ZIC1: variants seen among roughly 807,000 people sequenced by gnomAD.
ZIC1 encodes zinc finger protein ZIC 1.
ZIC1 carries 4 observed loss-of-function variants against 30.9 expected under a neutral mutation model. The observed-to-expected ratio is 0.13, with a 90% CI of 0.06 to 0.30. The LOEUF (loss-of-function observed/expected upper bound fraction) is 0.30. ZIC1 is among the 10% of genes least tolerant of loss of function. The pLI, the probability that ZIC1 is intolerant of heterozygous loss-of-function variation, is 1.00. For synonymous variants in ZIC1, 305 were observed against 277.5 expected (o/e 1.10, Z -0.98); for missense variants, 441 against 639.3 (o/e 0.69, Z 3.34).
Position 147,413,569 on chromosome 3 carries a change from C to T in ZIC1, c.*18C>T, listed in dbSNP as rs376681983. 9 of 1,613,330 alleles carry T rather than the reference C, an allele frequency of 5.6e-6. No individual in the cohort carries two copies. The highest frequency in any genetic ancestry group is 7.6e-6 in the Non-Finnish European group (9 of 1,179,542). On this transcript the variant is annotated 3_prime_UTR_variant, in exon 3 of 3. Transcript: ENST00000282928. Reference sequence around the variant, plus strand: ...ACGTTTAAAATCAGAAACAAAACATCGAACAAAACCCTATTTAAGAGACTG... The same window carrying T: ...ACGTTTAAAATCAGAAACAAAACATTGAACAAAACCCTATTTAAGAGACTG...
At position 147,410,980 on chromosome 3, in the gene ZIC1, G is replaced by A; in HGVS notation, c.868G>A (p.Val290Ile). The change falls in exon 1 of 3, where the codon GTT becomes ATT. Residue 290 changes from valine (V) to isoleucine (I), a missense_variant. Physicochemically the swap from Val to Ile is conservative, Grantham distance 29. Around this residue, in one of 5 missense-constraint regions of ZIC1, gnomAD observed 33 missense variants for 66.5 expected, o/e 0.50. Transcript: ENST00000282928. Reference protein sequence around the residue: ...GKPFKAKYKLVNHIRVHTGEK... With the variant: ...GKPFKAKYKLINHIRVHTGEK... The stretch of plus-strand genomic sequence containing the variant: ...GCCCTTCAAAGCCAAATACAAACTG[G>A]TTAACCACATCCGCGTGCACACGGG... The A allele has an allele frequency of 1.2e-6, 2 of 1,614,220 alleles. No individual in the cohort carries two copies. Among genetic ancestry groups the A allele is most frequent in the Non-Finnish European group, 1.7e-6 (2 of 1,180,040 alleles).
intron 2 of ZIC1, among the ~76,000 whole-genome samples, chr3:147,413,118 C>T (rs1331591285): frequency 6.6e-6 from 1 of 152,150 alleles, no homozygotes; most frequent in African/African-American, 2.4e-5. Context: ...TATCCAGTCT[C>T]CCTCTTCCCA....
chr3:147,413,704 TA>T lies in ZIC1; in HGVS notation c.*155del, dbSNP rs2087404162. 8.6e-6 allele frequency: 7 copies of T among 815,460 alleles called. No homozygotes were observed. In the South Asian group the frequency reaches 1.5e-4, roughly 18 times the overall value. The allele number at this position is 815,460 out of a possible 1,614,324, so 50.5% of individuals were successfully genotyped here. The stretch of plus-strand genomic sequence containing the variant: ...AATCTGCCAATAGACCCAGGACGAG[TA>T]AGAGAGGAAGCATCAACCTTTTAAA... On this transcript the variant is annotated 3_prime_UTR_variant, in exon 3 of 3. Coordinates refer to ENST00000282928, the MANE Select transcript of ZIC1 (RefSeq NM_003412.4).
chr3:147,412,880 A>G (rs1230698856), intron 2 of ZIC1, among the ~76,000 whole-genome samples, 199 bp downstream of exon 2: 1 of 152,148 alleles, frequency 6.6e-6, no homozygotes, highest in Non-Finnish European at 1.5e-5. Flanking sequence ...GCCGTTTTAA[A>G]TTTTTGGTTT....
In ZIC1 at chr3:147,413,631, T is replaced by C; in HGVS notation, c.*80T>C. The C allele has an allele frequency of 6.6e-7, 1 of 1,517,462 alleles. No individual in the cohort carries two copies. Among genetic ancestry groups the C allele is most frequent in the East Asian group, 2.3e-5 (1 of 42,862 alleles). 94.0% of individuals were successfully genotyped at this position (1,517,462 alleles called of 1,614,324 possible). ...ATACACAACATTACTGAAAGAACCC[T>C]GCGAATCAAAACAACCCCCACACAG... On this transcript the variant is annotated 3_prime_UTR_variant, in exon 3 of 3. Transcript: ENST00000282928.
rs768784777 is a variant in ZIC1, at chr3:147,410,436, C to A, written c.324C>A (p.Gly108=). The change falls in exon 1 of 3, where the codon GGC becomes GGA. Residue 108 remains glycine, a synonymous_variant. Transcript: ENST00000282928. ...RDFLFRNRGF[G]DAAAAASAQH... The stretch of plus-strand genomic sequence containing the variant: ...TTCTGTTCCGCAACCGGGGTTTTGG[C>A]GACGCGGCGGCGGCAGCCAGCGCAC... 2.5e-6 allele frequency: 4 copies of A among 1,595,284 alleles called. No homozygotes were observed. In the South Asian group the frequency reaches 3.3e-5, roughly 13 times the overall value.
chr3:147,410,820 C>T lies in ZIC1; in HGVS notation c.708C>T (p.Ala236=). ...AGTGGATCGAGCCCGAGCAGCTGGCCAACCCCAAAAAGTCGTGCAACAAAA... is the reference window on the plus strand; with the variant it reads ...AGTGGATCGAGCCCGAGCAGCTGGCTAACCCCAAAAAGTCGTGCAACAAAA... ...ICKWIEPEQL[A]NPKKSCNKTF... The change falls in exon 1 of 3, where the codon GCC becomes GCT. Residue 236 remains alanine (A), a synonymous_variant. Transcript: ENST00000282928. 1.2e-6 allele frequency: 2 copies of T among 1,614,254 alleles called. No individual in the cohort carries two copies. The highest frequency in any genetic ancestry group is 1.7e-6 in the Non-Finnish European group (2 of 1,180,048).
intron 2 of ZIC1, among the ~76,000 whole-genome samples, 189 bp from the exon 3 acceptor site, chr3:147,413,165 C>T (rs1218546684): frequency 1.1e-4 from 17 of 152,184 alleles, no homozygotes; most frequent in Non-Finnish European, 7.3e-5. Context: ...GGGACCCTGA[C>T]TTTCCCAGGA....
rs528602331 is a variant in ZIC1 at position 147,414,530 on chromosome 3, C to A, written c.*979C>A. 4 of 152,630 alleles carry A rather than the reference C, an allele frequency of 2.6e-5. No individual in the cohort carries two copies. The highest frequency in any genetic ancestry group is 5.9e-5 in the Non-Finnish European group (4 of 68,024). 9.5% of individuals were successfully genotyped at this position (152,630 alleles called of 1,614,324 possible). A position where few individuals can be genotyped will look rare whatever the true frequency, so the allele number is the denominator to read the frequency against. On this transcript the variant is annotated 3_prime_UTR_variant, in exon 3 of 3. Coordinates refer to ENST00000282928, the MANE Select transcript of ZIC1 (RefSeq NM_003412.4). ...TTAGTTTCCAGAACTGTTTGGTAAC[C>A]TTTCGTACCTTATTAAAGATTCTTA... is the stretch of plus-strand genomic sequence containing the variant.
Position 147,413,609 on chromosome 3 carries a change from CACA to C in ZIC1, c.*62_*64del, listed in dbSNP as rs2087403116. On this transcript the variant is annotated 3_prime_UTR_variant, in exon 3 of 3. Transcript: ENST00000282928. Reference sequence around the variant, plus strand: ...TTAAGAGACTGATCACACACGTATACACAACATTACTGAAAGAACCCTGCGAAT... The same window carrying C: ...TTAAGAGACTGATCACACACGTATACACATTACTGAAAGAACCCTGCGAAT... The C allele has an allele frequency of 2.3e-5, 36 of 1,569,660 alleles. 1 individual carries two copies. The South Asian group carries it at 3.1e-4, about 14-fold the overall frequency.
Position 147,415,285 on chromosome 3 carries a change from A to C in ZIC1, c.*1734A>C, listed in dbSNP as rs1368146596. The stretch of plus-strand genomic sequence containing the variant: ...TCTTTTATTTATTTCTCATTTACTT[A>C]AGAAATTCGTTCCATTGGTTGGCAT... On this transcript the variant is annotated 3_prime_UTR_variant, in exon 3 of 3. Coordinates refer to ENST00000282928, the MANE Select transcript of ZIC1 (RefSeq NM_003412.4). 6.6e-6 allele frequency: 1 copy of C among 152,642 alleles called. No individual in the cohort carries two copies. The highest frequency in any genetic ancestry group is 2.4e-5 in the African/African-American group (1 of 41,456). The allele number at this position is 152,642 out of a possible 1,614,324, so 9.5% of individuals were successfully genotyped here.
In ZIC1 at chr3:147,409,875, C is replaced by A. The variant is rs998163719; in HGVS notation, c.-238C>A. 15 of 510,188 alleles carry A rather than the reference C, an allele frequency of 2.9e-5. No homozygotes were observed. Among genetic ancestry groups the A allele is most frequent in the Middle Eastern group, 1.0e-3 (2 of 2,008 alleles). 31.6% of individuals were successfully genotyped at this position (510,188 alleles called of 1,614,324 possible). On this transcript the variant is annotated 5_prime_UTR_variant, in exon 1 of 3. Transcript: ENST00000282928. ...TCTGCCTGGCGGGCGCTGGAGCCTG[C>A]GTTACTCGCGGCCCGCAGCCGTCCG...
Position 147,410,240 on chromosome 3 carries a change from G to T in ZIC1, c.128G>T (p.Gly43Val). The T allele has an allele frequency of 6.2e-7, 1 of 1,601,356 alleles. No homozygotes were observed. Among genetic ancestry groups the T allele is most frequent in the Non-Finnish European group, 8.5e-7 (1 of 1,179,688 alleles). ...VGLGINPFAD[G>V]MGAFKLNPSS... ...CTGGGCATCAACCCGTTCGCCGACG[G>T]CATGGGCGCCTTCAAGCTCAACCCC... Residue 43 changes from glycine to valine, a missense_variant, in exon 1 of 3, where the codon GGC (glycine) becomes GTC (valine). This residue lies in a region of ZIC1 where 307 missense variants were observed against 355.3 expected (regional missense o/e 0.86). Coordinates refer to ENST00000282928, the MANE Select transcript of ZIC1 (RefSeq NM_003412.4).
In ZIC1 at chr3:147,410,186, C is replaced by T; in HGVS notation, c.74C>T (p.Ala25Val). ...TTFGASRHHSAGDVAERDVGL... is the reference protein window; with the variant it reads ...TTFGASRHHSVGDVAERDVGL... The stretch of plus-strand genomic sequence containing the variant: ...TTTGGCGCGTCCCGCCACCACTCCG[C>T]GGGCGACGTGGCCGAACGAGACGTG... Residue 25 changes from alanine to valine, a missense_variant, in exon 1 of 3, where the codon GCG becomes GTG. Around this residue, in one of 5 missense-constraint regions of ZIC1, gnomAD observed 307 missense variants for 355.3 expected, o/e 0.86. Transcript: ENST00000282928. 6.2e-7 allele frequency: 1 copy of T among 1,600,536 alleles called. No homozygotes were observed. Among genetic ancestry groups the T allele is most frequent in the Non-Finnish European group, 8.5e-7 (1 of 1,179,270 alleles).
chr3:147,412,475 A>G (rs368060788), intron 1 of ZIC1, 43 bp from the exon 2 acceptor site: 2 of 1,596,036 alleles, frequency 1.3e-6, no homozygotes, highest in Non-Finnish European at 8.5e-7. Context: ...CGGCCGCGGT[A>G]TTTTTTTCTA....
chr3:147,410,167 G>C lies in ZIC1; in HGVS notation c.55G>C (p.Ala19Pro). Residue 19 changes from alanine to proline, a missense_variant, in exon 1 of 3, where the codon GCG (alanine) becomes CCG (proline). Physicochemically the swap from Ala to Pro is conservative, Grantham distance 27. Transcript: ENST00000282928. ...YPAIGVTTFGASRHHSAGDVA... is the reference protein window; with the variant it reads ...YPAIGVTTFGPSRHHSAGDVA... The stretch of plus-strand genomic sequence containing the variant: ...AGCGATCGGCGTGACCACCTTTGGC[G>C]CGTCCCGCCACCACTCCGCGGGCGA... 1 of 1,599,190 alleles carries C rather than the reference G, an allele frequency of 6.3e-7. No individual in the cohort carries two copies. Among genetic ancestry groups the C allele is most frequent in the Non-Finnish European group, 8.5e-7 (1 of 1,178,900 alleles).
Position 147,411,030 on chromosome 3 carries a change from C to T in ZIC1, c.918C>T (p.Phe306=). The T allele has an allele frequency of 1.9e-6, 3 of 1,614,182 alleles. No individual in the cohort carries two copies. Among genetic ancestry groups the T allele is most frequent in the South Asian group, 1.1e-5 (1 of 91,080 alleles). The part of the protein sequence containing the change: ...HTGEKPFPCP[F]PGCGKVFARS... ...GCGAGAAGCCCTTTCCCTGCCCCTT[C>T]CCTGGCTGTGGCAAGGTCTTCGCGC... Residue 306 remains phenylalanine (F), a synonymous_variant, in exon 1 of 3, where the codon TTC becomes TTT. Transcript: ENST00000282928.
chr3:147,409,787 C>T lies in ZIC1; in HGVS notation c.-326C>T, dbSNP rs1390878615. 1 of 381,988 alleles carries T rather than the reference C, an allele frequency of 2.6e-6. No homozygotes were observed. The highest frequency in any genetic ancestry group is 4.6e-5 in the East Asian group (1 of 21,706). The allele number at this position is 381,988 out of a possible 1,614,324, so 23.7% of individuals were successfully genotyped here. ...TGCTCCATGCCTTTCCCCGGGCAGCCTTGACGCGCGGCCCTCTCGGCAGAG... is the reference window on the plus strand; with the variant it reads ...TGCTCCATGCCTTTCCCCGGGCAGCTTTGACGCGCGGCCCTCTCGGCAGAG... On this transcript the variant is annotated 5_prime_UTR_variant, in exon 1 of 3. Transcript: ENST00000282928.
Position 147,410,503 on chromosome 3 carries a change from C to T in ZIC1, c.391C>T (p.Pro131Ser). ...FAASAGGFGG[P>S]HGHTDAAGHL... ...TGCATCGGCCGGGGGCTTCGGGGGC[C>T]CACACGGCCACACGGACGCCGCGGG... Residue 131 changes from proline to serine, a missense_variant, in exon 1 of 3, where the codon CCA becomes TCA. Transcript: ENST00000282928. The T allele has an allele frequency of 1.2e-6, 2 of 1,607,510 alleles. No homozygotes were observed. Among genetic ancestry groups the T allele is most frequent in the Non-Finnish European group, 8.5e-7 (1 of 1,178,862 alleles).
Sources: allele counts gnomAD v4.1 joint callset (sites outside exome capture counted in the v4.1 genomes callset), GRCh38; gene constraint gnomAD v4.1.1; regional missense constraint gnomAD v4.1.1; transcripts MANE v1.5; gene names NCBI Gene and HGNC (gene_info 2026-07-23, HGNC 2026-07-21).